Variants in COLGALT2 observed in about 807,000 individuals in gnomAD.
The protein encoded by COLGALT2 is procollagen galactosyltransferase 2.
A neutral mutation model predicts 73.4 loss-of-function variants in COLGALT2; 49 were observed. The observed-to-expected ratio is 0.67, with a 90% CI of 0.53 to 0.85. The LOEUF (loss-of-function observed/expected upper bound fraction) is 0.85, where lower values mean the gene tolerates loss of function less well. Among genes scored for constraint, COLGALT2 ranks in the 40% least tolerant of loss-of-function variants. The probability of loss-of-function intolerance (pLI) is 0.00; values close to 1 mark genes in which losing one functional copy is unlikely to be tolerated. For synonymous variants in COLGALT2, 295 were observed against 307.6 expected (o/e 0.96, Z 0.43); for missense variants, 722 against 790.2 (o/e 0.91, Z 1.03).
chr1:183,932,512 T>C (rs1249566376), downstream of COLGALT2, among the ~76,000 whole-genome samples: 1 of 151,890 alleles, frequency 6.6e-6, no homozygotes, highest in East Asian at 1.9e-4. Flanking sequence ...GACGTGAAAC[T>C]CTTAGAGGTG....
downstream of COLGALT2, among the ~76,000 whole-genome samples, chr1:183,934,702 A>T (rs141101184): frequency 2.0e-5 from 3 of 152,194 alleles, no homozygotes; most frequent in African/African-American, 7.2e-5. Context: ...ACGTTATAGA[A>T]AGCCTCCTGG....
At chr1:183,984,603 G>C (rs533251349) in intron 1 of COLGALT2, among the ~76,000 whole-genome samples, 69 of 152,226 alleles carry the variant, frequency 4.5e-4, no homozygotes, top group African/African-American at 1.4e-3. Context: ...CTCATGGTTG[G>C]CCACCTCTCT....
chr1:183,962,017 G>C (rs1670715579), intron 6 of COLGALT2, among the ~76,000 whole-genome samples: 2 of 152,100 alleles, frequency 1.3e-5, no homozygotes. Context: ...CAATGTGCTA[G>C]GTCCTGAGAC....
chr1:183,963,988 A>T lies in COLGALT2; in HGVS notation c.865T>A (p.Tyr289Asn). The change falls in exon 6 of 12, where the codon TAT becomes AAT. Residue 289 changes from tyrosine to asparagine, a missense_variant. Tyr to Asn is a moderately radical substitution (Grantham distance 143). Coordinates refer to ENST00000361927, the MANE Select transcript of COLGALT2 (RefSeq NM_015101.4). The stretch of plus-strand genomic sequence containing the variant: ...TTCAGGGGGATGGGCAGGTAGCCAT[A>T]GTGCTCTCTGTTGCAGAGGTACATC... ...IQMYLCNREH[Y>N]GYLPIPLKPH... is the part of the protein sequence containing the mutation. The T allele has an allele frequency of 6.2e-7, 1 of 1,613,562 alleles. No homozygotes were observed. Among genetic ancestry groups the T allele is most frequent in the Non-Finnish European group, 8.5e-7 (1 of 1,179,708 alleles).
chr1:183,971,765 C>T (rs1350611502), intron 4 of COLGALT2, among the ~76,000 whole-genome samples: 1 of 152,232 alleles, frequency 6.6e-6, no homozygotes, highest in African/African-American at 2.4e-5. Flanking sequence ...AACCAGTTGA[C>T]ATGTTGATAG....
chr1:184,022,186 A>G (rs746242574), intron 1 of COLGALT2, among the ~76,000 whole-genome samples: 5 of 152,222 alleles, frequency 3.3e-5, no homozygotes. Flanking sequence ...CCTTCTCCCA[A>G]TTATTTCAGA....
intron 1 of COLGALT2, among the ~76,000 whole-genome samples, chr1:184,034,155 C>T (rs1035722761): frequency 6.6e-6 from 1 of 152,130 alleles, no homozygotes; most frequent in African/African-American, 2.4e-5. Flanking sequence ...TAGGGCCAGA[C>T]CAGAAGTCAG....
intron 1 of COLGALT2, among the ~76,000 whole-genome samples, chr1:184,002,791 T>C (rs1432653032): frequency 2.0e-5 from 3 of 152,184 alleles, no homozygotes; most frequent in Non-Finnish European, 2.9e-5. Flanking sequence ...GCCAAAATAA[T>C]CTTGATGCAA....
chr1:183,971,312 G>A (rs1343532063), intron 4 of COLGALT2, among the ~76,000 whole-genome samples: 1 of 152,182 alleles, frequency 6.6e-6, no homozygotes, highest in Non-Finnish European at 1.5e-5. Context: ...ATGGTAGAAA[G>A]CCAAAAATAA....
At chr1:183,931,808 AAAAG>A (rs1488360375), downstream of COLGALT2, among the ~76,000 whole-genome samples, 38 of 151,926 alleles carry the variant, frequency 2.5e-4, no homozygotes, top group African/African-American at 8.9e-4. Flanking sequence ...AAAAAAAAAA[AAAAG>A]AAGAAGAAGA....
chr1:183,985,175 C>T (rs533313766), intron 1 of COLGALT2, among the ~76,000 whole-genome samples: 8 of 152,310 alleles, frequency 5.3e-5, no homozygotes, highest in African/African-American at 1.9e-4. Flanking sequence ...TAGGGCTAAA[C>T]TCATATTGGT....
intron 4 of COLGALT2, among the ~76,000 whole-genome samples, chr1:183,970,599 A>G (rs974916216): frequency 1.1e-4 from 17 of 152,198 alleles, no homozygotes; most frequent in African/African-American, 3.9e-4. Context: ...ATCAAAAATG[A>G]GGACTCAGAA....
At chr1:183,934,700 G>A (rs1454516851), downstream of COLGALT2, among the ~76,000 whole-genome samples, 1 of 152,180 alleles carries the variant, frequency 6.6e-6, no homozygotes, top group Non-Finnish European at 1.5e-5. Flanking sequence ...GCACGTTATA[G>A]AAAGCCTCCT....
At chr1:183,946,903 T>C (rs1049670393) in intron 8 of COLGALT2, among the ~76,000 whole-genome samples, 1 of 151,992 alleles carries the variant, frequency 6.6e-6, no homozygotes, top group South Asian at 2.1e-4. Flanking sequence ...TGGTGGTGGG[T>C]GCCTGTAGTC....
intron 1 of COLGALT2, among the ~76,000 whole-genome samples, chr1:184,001,828 C>T (rs1671934821): frequency 6.6e-6 from 1 of 152,234 alleles, no homozygotes; most frequent in South Asian, 2.1e-4. Context: ...CTGCTTCTTA[C>T]TCCCTGAATC....
chr1:183,954,903 C>A, intron 6 of COLGALT2, 65 bp from the exon 7 acceptor site: 1 of 1,222,138 alleles, frequency 8.2e-7, no homozygotes, highest in South Asian at 1.2e-5. Flanking sequence ...AGAATTCCAT[C>A]CGCATGCCTG....
At chr1:183,966,618 T>A (rs77829036) in intron 5 of COLGALT2, among the ~76,000 whole-genome samples, 3,613 of 152,276 alleles carry the variant, frequency 0.024, 127 homozygotes, top group African/African-American at 0.081. Flanking sequence ...ACCAGTGGTG[T>A]TCAGGATCTG....
intron 1 of COLGALT2, among the ~76,000 whole-genome samples, chr1:184,017,121 T>A (rs528608848): frequency 6.6e-6 from 1 of 152,228 alleles, no homozygotes; most frequent in Non-Finnish European, 1.5e-5. Flanking sequence ...ATGTATAAAA[T>A]GTTATGTACT....
At chr1:184,018,363 T>C (rs1286365302) in intron 1 of COLGALT2, among the ~76,000 whole-genome samples, 1 of 151,950 alleles carries the variant, frequency 6.6e-6, no homozygotes, top group Non-Finnish European at 1.5e-5. Flanking sequence ...GGGGTTGGGG[T>C]GGGGTAGGTG....
Sources: allele counts gnomAD v4.1 joint callset (sites outside exome capture counted in the v4.1 genomes callset), GRCh38; gene constraint gnomAD v4.1.1; transcripts MANE v1.5; gene names NCBI Gene and HGNC (gene_info 2026-07-23, HGNC 2026-07-21).